CLIP4: variants seen among roughly 807,000 people sequenced by gnomAD.
CLIP4 encodes the protein CAP-Gly domain containing linker protein family member 4, also known as CAP-Gly domain-containing linker protein 4.
Under a neutral mutation model 73.1 loss-of-function variants are expected in CLIP4, and 47 were observed. That is an observed-to-expected ratio of 0.64 (90% CI 0.51 to 0.82). The LOEUF is 0.82. CLIP4 is among the 40% of genes least tolerant of loss of function. The pLI is 0.00. For synonymous variants in CLIP4, 306 were observed against 295.4 expected, an observed-to-expected ratio of 1.04 and a Z score of -0.37; for missense variants, 874 against 852.9, an observed-to-expected ratio of 1.02 and a Z score of -0.31.
At chr2:29,157,693 A>G (rs2148044533) in intron 11 of CLIP4, among the ~76,000 whole-genome samples, 1 of 152,332 alleles carries the variant, frequency 6.6e-6, no homozygotes, top group African/African-American at 2.4e-5. Flanking sequence ...CTTAAAACCT[A>G]GGAGAAGGTC....
upstream of CLIP4, among the ~76,000 whole-genome samples, chr2:29,113,055 A>G (rs1022534549): frequency 6.6e-6 from 1 of 152,200 alleles, no homozygotes; most frequent in Non-Finnish European, 1.5e-5. The surrounding 1 kb of genome is among the most constrained non-coding windows in gnomAD (Gnocchi z 4.0). Context: ...AAAGTAGTGA[A>G]TCAACATAGG....
At chr2:29,174,124 C>CTT (rs201530310) in intron 14 of CLIP4, among the ~76,000 whole-genome samples, 1 of 150,328 alleles carries the variant, frequency 6.7e-6, no homozygotes, top group African/African-American at 2.4e-5. Context: ...GCTTTCTTTT[C>CTT]TTTTTTTTTA....
At chr2:29,129,618 C>T (rs1007264867) in intron 2 of CLIP4, among the ~76,000 whole-genome samples, 1 of 151,980 alleles carries the variant, frequency 6.6e-6, no homozygotes, top group African/African-American at 2.4e-5. Context: ...ATGGCTACAG[C>T]TTTTTAGTGA....
At chr2:29,168,381 T>C (rs1016963044) in intron 14 of CLIP4, among the ~76,000 whole-genome samples, 2 of 152,066 alleles carry the variant, frequency 1.3e-5, no homozygotes, top group Non-Finnish European at 2.9e-5. Flanking sequence ...GTCAATTTCA[T>C]GTGTGGCAAA....
chr2:29,112,964 G>A (rs553821958), upstream of CLIP4, among the ~76,000 whole-genome samples: 2 of 152,186 alleles, frequency 1.3e-5, no homozygotes, highest in African/African-American at 2.4e-5. Context: ...TCCTGCTGCC[G>A]AGTGTCTGAA....
intron 6 of CLIP4, among the ~76,000 whole-genome samples, chr2:29,136,737 G>C (rs1249438485): frequency 6.6e-6 from 1 of 152,140 alleles, no homozygotes; most frequent in Non-Finnish European, 1.5e-5. Context: ...TAGGCAGAGA[G>C]AGTAGCGTGC....
At chr2:29,112,220 G>T (rs1572860730), upstream of CLIP4, among the ~76,000 whole-genome samples, 1 of 152,066 alleles carries the variant, frequency 6.6e-6, no homozygotes, top group Non-Finnish European at 1.5e-5. Context: ...TTTTATAATT[G>T]ACTTAACTGT....
chr2:29,097,863 A>C (rs752401662), exon 1 of CLIP4: 1 of 152,210 alleles, frequency 6.6e-6, no homozygotes, highest in Non-Finnish European at 1.5e-5. Flanking sequence ...CACGCTGAAC[A>C]ATCTGTACTC....
At chr2:29,144,073 T>G in intron 7 of CLIP4, 128 bp downstream of exon 7, 1 of 724,610 alleles carries the variant, frequency 1.4e-6, no homozygotes, top group Non-Finnish European at 2.4e-6. Flanking sequence ...AGATGCTTAA[T>G]GGAAAATGTA....
At position 29,133,789 on chromosome 2, in the gene CLIP4, G is replaced by C. The variant is rs774136018; in HGVS notation, c.502G>C (p.Val168Leu). Residue 168 changes from valine (V) to leucine (L), a missense_variant, in exon 5 of 16, where the codon GTG (valine) becomes CTG (leucine). By Grantham distance (32) the Val-to-Leu change is conservative. Transcript: ENST00000320081. The stretch of plus-strand genomic sequence containing the variant: ...TTTTGATGTCCCTGAACTTATAAGA[G>C]TGATTTTGAAAACATCGAAACCAAA... ...AYFDVPELIR[V>L]ILKTSKPKDV... 2 of 1,607,520 alleles carry C rather than the reference G, an allele frequency of 1.2e-6. No homozygotes were observed. Among genetic ancestry groups the C allele is most frequent in the Admixed American group, 1.7e-5 (1 of 58,100 alleles).
At chr2:29,167,810 A>T in intron 14 of CLIP4, 1 of 291,780 alleles carries the variant, frequency 3.4e-6, no homozygotes, top group Non-Finnish European at 6.3e-6. Flanking sequence ...TTGTACATTA[A>T]TTATTCCCTT....
intron 2 of CLIP4, among the ~76,000 whole-genome samples, chr2:29,128,924 G>A (rs1432417391): frequency 6.6e-6 from 1 of 152,116 alleles, no homozygotes; most frequent in African/African-American, 2.4e-5. Context: ...GTGTAGCACA[G>A]GACATGTTTA....
chr2:29,180,345 C>G (rs970891755), intron 15 of CLIP4, among the ~76,000 whole-genome samples: 1 of 152,152 alleles, frequency 6.6e-6, no homozygotes, highest in Admixed American at 6.5e-5. Context: ...GGCAATATAG[C>G]CTTGAGGCCT....
At chr2:29,160,069 A>G (rs896918845) in intron 11 of CLIP4, among the ~76,000 whole-genome samples, 6 of 152,338 alleles carry the variant, frequency 3.9e-5, no homozygotes, top group Admixed American at 3.3e-4. Flanking sequence ...TTTACCAGGG[A>G]TCAGGTTTTG....
chr2:29,115,839 G>T lies in CLIP4; in HGVS notation c.-16+174G>T, dbSNP rs1243875106. 1.3e-5 allele frequency among the ~76,000 whole-genome samples: 2 copies of T among 151,728 alleles called. No individual in the cohort carries two copies. The highest frequency in any genetic ancestry group is 2.9e-5 in the Non-Finnish European group (2 of 67,868). ...GCCGCCTCCCGTGGGCACCGGTGTCGCTGGCCGCGGGGAGGCCTTCTCGGG... is the reference window on the plus strand; with the variant it reads ...GCCGCCTCCCGTGGGCACCGGTGTCTCTGGCCGCGGGGAGGCCTTCTCGGG... On this transcript the variant is annotated intron_variant, in intron 1 of 15. Coordinates refer to ENST00000320081, the MANE Select transcript of CLIP4 (RefSeq NM_024692.6). This position sits in a 1 kb window ranked among gnomAD's most constrained non-coding sequence, Gnocchi z 5.1.
chr2:29,148,171 C>T (rs1192441871), intron 8 of CLIP4, among the ~76,000 whole-genome samples: 9 of 152,120 alleles, frequency 5.9e-5, no homozygotes, highest in Non-Finnish European at 1.3e-4. Context: ...GGGTATAGCC[C>T]TTGACAGCCC....
At chr2:29,155,437 C>A (rs538073789) in intron 9 of CLIP4, among the ~76,000 whole-genome samples, 3 of 152,064 alleles carry the variant, frequency 2.0e-5, no homozygotes, top group Admixed American at 6.6e-5. Flanking sequence ...AGAGTACAAG[C>A]AGAACTGTGG....
chr2:29,170,294 A>G (rs1667918948), intron 14 of CLIP4, among the ~76,000 whole-genome samples: 1 of 152,170 alleles, frequency 6.6e-6, no homozygotes, highest in Non-Finnish European at 1.5e-5. Flanking sequence ...GCTGGATTAT[A>G]TGATAGTTCT....
At chr2:29,160,977 T>C (rs767325919) in intron 12 of CLIP4, among the ~76,000 whole-genome samples, 54 of 151,964 alleles carry the variant, frequency 3.6e-4, no homozygotes, top group Non-Finnish European at 7.3e-5. Context: ...AAGATTACTT[T>C]CTATTTTTTT....
Sources: allele counts gnomAD v4.1 joint callset (sites outside exome capture counted in the v4.1 genomes callset), GRCh38; gene constraint gnomAD v4.1.1; non-coding constraint Gnocchi (gnomAD v3.1); transcripts MANE v1.5; gene names NCBI Gene and HGNC (gene_info 2026-07-23, HGNC 2026-07-21).